Variants in ST6GALNAC3 observed in about 807,000 individuals in gnomAD.
ST6GALNAC3 encodes alpha-N-acetylgalactosaminide alpha-2,6-sialyltransferase 3.
Under a neutral mutation model 32.7 loss-of-function variants are expected in ST6GALNAC3, and 25 were observed. The observed-to-expected ratio is 0.76, with a 90% CI of 0.56 to 1.07. The LOEUF (loss-of-function observed/expected upper bound fraction) is 1.07. ST6GALNAC3 is among the 50% of genes least tolerant of loss of function. The probability of loss-of-function intolerance (pLI) is 0.00; values close to 1 mark genes in which losing one functional copy is unlikely to be tolerated. For missense variants in ST6GALNAC3, 355 were observed against 382.4 expected (o/e 0.93, Z 0.60); for synonymous variants, 129 against 133.1 (o/e 0.97, Z 0.21).
At chr1:76,462,898 C>A (rs564563607) in intron 3 of ST6GALNAC3, among the ~76,000 whole-genome samples, 1 of 152,220 alleles carries the variant, frequency 6.6e-6, no homozygotes, top group East Asian at 1.9e-4. Flanking sequence ...AATTACATAT[C>A]TGCTGTGTAC....
chr1:76,636,397 T>C (rs1649506171), downstream of ST6GALNAC3, among the ~76,000 whole-genome samples: 1 of 152,184 alleles, frequency 6.6e-6, no homozygotes, highest in Non-Finnish European at 1.5e-5. Flanking sequence ...TTTTCAGCTC[T>C]CCTTTGGTAT....
At chr1:76,154,027 A>G (rs1214147720) in intron 1 of ST6GALNAC3, among the ~76,000 whole-genome samples, 1 of 152,124 alleles carries the variant, frequency 6.6e-6, no homozygotes, top group Non-Finnish European at 1.5e-5. Context: ...TTTTTCCGTG[A>G]TGAGAATGAG....
At chr1:76,229,355 C>A (rs189009418) in intron 1 of ST6GALNAC3, among the ~76,000 whole-genome samples, 252 of 152,284 alleles carry the variant, frequency 1.7e-3, no homozygotes, top group African/African-American at 5.9e-3. Flanking sequence ...AAATAACACA[C>A]CCCTAACAAA....
intron 3 of ST6GALNAC3, among the ~76,000 whole-genome samples, chr1:76,494,216 C>A (rs1019341222): frequency 1.3e-5 from 2 of 151,542 alleles, no homozygotes; most frequent in Non-Finnish European, 2.9e-5. Flanking sequence ...ATCCATATCA[C>A]CTTAAACATC....
At chr1:76,590,176 T>C (rs1647025765) in intron 3 of ST6GALNAC3, among the ~76,000 whole-genome samples, 1 of 152,220 alleles carries the variant, frequency 6.6e-6, no homozygotes, top group Non-Finnish European at 1.5e-5. Flanking sequence ...TAGATCTCTC[T>C]TTGTAATCAA....
intron 3 of ST6GALNAC3, among the ~76,000 whole-genome samples, chr1:76,538,478 C>G (rs1663768268): frequency 6.6e-6 from 1 of 152,144 alleles, no homozygotes; most frequent in Admixed American, 6.5e-5. Flanking sequence ...GATGCCCTCT[C>G]TCACCACTCC....
At chr1:76,310,106 TA>T in intron 1 of ST6GALNAC3, 1 of 391,858 alleles carries the variant, frequency 2.6e-6, no homozygotes, top group Non-Finnish European at 5.1e-6. Flanking sequence ...GAGCTCTGAA[TA>T]AACAAAAGCA....
rs1570641277 is a variant in ST6GALNAC3, at chr1:76,270,301, G to A, written c.19-43504G>A. Among the ~76,000 whole-genome samples the A allele has an allele frequency of 3.9e-5, 6 of 152,030 alleles. No individual in the cohort carries two copies. In the South Asian group the frequency reaches 8.3e-4, roughly 21 times the overall value. ...GCTGGTGGATCCCCTGAGGTCAGGA[G>A]TTCAAGACCAGCTTGGCCAACATGG... On this transcript the variant is annotated intron_variant, in intron 1 of 4. Transcript: ENST00000328299.
chr1:76,306,210 G>A (rs1267564622), intron 1 of ST6GALNAC3, among the ~76,000 whole-genome samples: 1 of 152,012 alleles, frequency 6.6e-6, no homozygotes, highest in African/African-American at 2.4e-5. Flanking sequence ...GGGTGCACTT[G>A]GTTAGCACTC....
intron 2 of ST6GALNAC3, among the ~76,000 whole-genome samples, chr1:76,388,814 A>G (rs1025676873): frequency 6.6e-6 from 1 of 152,110 alleles, no homozygotes; most frequent in Admixed American, 6.5e-5. Flanking sequence ...AGGTCCAAGT[A>G]TCTTATTTAG....
At chr1:76,610,720 G>C (rs1435942930) in intron 3 of ST6GALNAC3, among the ~76,000 whole-genome samples, 2 of 152,102 alleles carry the variant, frequency 1.3e-5, no homozygotes, top group Non-Finnish European at 2.9e-5. Context: ...CACTTCTGAG[G>C]CCAGTTCCTC....
At chr1:76,278,223 C>CTTTTTTTTTTTTTTTTTTT (rs568694243) in intron 1 of ST6GALNAC3, among the ~76,000 whole-genome samples, 31 of 113,752 alleles carry the variant, frequency 2.7e-4, no homozygotes, top group East Asian at 2.6e-3. Context: ...GCTAGGCATT[C>CTTTTTTTTTTTTTTTTTTT]TTTTTTTTTT....
chr1:76,117,921 C>T (rs904363948), intron 1 of ST6GALNAC3, among the ~76,000 whole-genome samples: 2 of 152,176 alleles, frequency 1.3e-5, no homozygotes, highest in South Asian at 2.1e-4. Flanking sequence ...ATAGTACCTA[C>T]TTCGTGGGAC....
At chr1:76,410,965 G>A (rs973828853) in intron 2 of ST6GALNAC3, among the ~76,000 whole-genome samples, 5 of 152,208 alleles carry the variant, frequency 3.3e-5, no homozygotes, top group South Asian at 2.1e-4. Context: ...GTACCCAGTC[G>A]AGAGAGGCTA....
At chr1:76,129,005 C>A (rs1420144619) in intron 1 of ST6GALNAC3, among the ~76,000 whole-genome samples, 2 of 152,208 alleles carry the variant, frequency 1.3e-5, no homozygotes, top group South Asian at 2.1e-4. Flanking sequence ...AGGGCTACCA[C>A]CTCTGCAGGA....
At chr1:76,147,719 C>T (rs1368293330) in intron 1 of ST6GALNAC3, among the ~76,000 whole-genome samples, 1 of 152,224 alleles carries the variant, frequency 6.6e-6, no homozygotes, top group African/African-American at 2.4e-5. Context: ...GTGCTCAACA[C>T]GTGTTTCCAA....
At chr1:76,458,921 T>C (rs1208923758) in intron 3 of ST6GALNAC3, among the ~76,000 whole-genome samples, 1 of 151,222 alleles carries the variant, frequency 6.6e-6, no homozygotes, top group Non-Finnish European at 1.5e-5. Context: ...AAAGGAAAAA[T>C]AATCTTGTAA....
In ST6GALNAC3 at chr1:76,373,264, T is replaced by G. The variant is rs76580572; in HGVS notation, c.214-38744T>G. On this transcript the variant is annotated intron_variant, in intron 2 of 4. Coordinates refer to ENST00000328299, the MANE Select transcript of ST6GALNAC3 (RefSeq NM_152996.4). ...AATTATGCCTCTAGTGCTGACTTAATGACATGGGGCATGTCGCTTGACCTT... is the reference window on the plus strand; with the variant it reads ...AATTATGCCTCTAGTGCTGACTTAAGGACATGGGGCATGTCGCTTGACCTT... Among the ~76,000 whole-genome samples, 533 of 152,334 alleles carry G rather than the reference T, an allele frequency of 3.5e-3. 1 individual carries two copies. Among genetic ancestry groups the G allele is most frequent in the African/African-American group, 0.012 (515 of 41,572 alleles).
At chr1:76,178,559 G>A (rs899374243) in intron 1 of ST6GALNAC3, among the ~76,000 whole-genome samples, 15 of 152,114 alleles carry the variant, frequency 9.9e-5, no homozygotes, top group African/African-American at 3.6e-4. Flanking sequence ...TGTGGGCCTA[G>A]GAACCTGTAT....
Sources: gnomAD v4.1 joint callset for allele counts (sites outside exome capture counted in the v4.1 genomes callset) on GRCh38, gnomAD v4.1.1 for gene constraint, MANE v1.5 for transcripts, NCBI Gene and HGNC (gene_info 2026-07-23, HGNC 2026-07-21) for gene names.